TMEM144: variants seen among roughly 807,000 people sequenced by gnomAD.
TMEM144 encodes transmembrane protein 144.
Under a neutral mutation model 43.6 loss-of-function variants are expected in TMEM144, and 39 were observed. The observed-to-expected ratio is 0.90, with a 90% CI of 0.69 to 1.17. TMEM144 has a LOEUF of 1.17. TMEM144 is among the 50% of genes most tolerant of loss of function. The probability of loss-of-function intolerance (pLI) is 0.00; values close to 1 mark genes in which losing one functional copy is unlikely to be tolerated. For missense variants in TMEM144, 417 were observed against 411.9 expected (o/e 1.01, Z -0.11); for synonymous variants, 154 against 133.6 (o/e 1.15, Z -1.06).
intron 12 of TMEM144, among the ~76,000 whole-genome samples, chr4:158,251,909 A>T (rs1736224840): frequency 6.6e-6 from 1 of 152,214 alleles, no homozygotes; most frequent in African/African-American, 2.4e-5. Flanking sequence ...TCACTAAAAA[A>T]ATAAATAAAT....
At chr4:158,221,487 G>C (rs1001824485) in intron 6 of TMEM144, among the ~76,000 whole-genome samples, 2 of 152,176 alleles carry the variant, frequency 1.3e-5, no homozygotes, top group African/African-American at 4.8e-5. Context: ...GTAAGGGTGA[G>C]AGCAGAGCTG....
chr4:158,243,575 G>A (rs28497052), intron 11 of TMEM144, among the ~76,000 whole-genome samples: 396 of 152,262 alleles, frequency 2.6e-3, no homozygotes, highest in African/African-American at 9.3e-3. Context: ...TCTCAGCTAA[G>A]AAGAATTACC....
chr4:158,241,673 TC>T, intron 11 of TMEM144, 67 bp downstream of exon 11: 1 of 1,246,178 alleles, frequency 8.0e-7, no homozygotes, highest in South Asian at 1.2e-5. Context: ...TCTGAAGCAC[TC>T]TTAGGGCATC....
At chr4:158,224,674 G>C (rs1445723862) in intron 6 of TMEM144, among the ~76,000 whole-genome samples, 1 of 152,144 alleles carries the variant, frequency 6.6e-6, no homozygotes, top group Non-Finnish European at 1.5e-5. Flanking sequence ...AAGGTCAGTT[G>C]AAGTCCTTAC....
chr4:158,230,862 A>G (rs919563833), intron 6 of TMEM144, among the ~76,000 whole-genome samples: 4 of 152,174 alleles, frequency 2.6e-5, no homozygotes, highest in Admixed American at 1.3e-4. Flanking sequence ...AGACAAAAAC[A>G]TAACAAATTT....
intron 6 of TMEM144, among the ~76,000 whole-genome samples, chr4:158,229,903 A>G (rs1734984494): frequency 6.6e-6 from 1 of 152,122 alleles, no homozygotes; most frequent in Admixed American, 6.5e-5. Flanking sequence ...CCCTTCCCTC[A>G]CCCAGGGAGC....
chr4:158,225,381 T>G (rs991981573), intron 6 of TMEM144, among the ~76,000 whole-genome samples: 4 of 152,248 alleles, frequency 2.6e-5, no homozygotes, highest in African/African-American at 4.8e-5. Context: ...CATGAAAAGC[T>G]TGTTGCTGTT....
rs143288258 is a variant in TMEM144, at chr4:158,244,383, G to T, written c.954+34G>T. ...AAGAAAGGGCAGACTTAGAAAATGG[G>T]AATGGGGTAGGCCGGGCGTGGTGGC... On this transcript the variant is annotated intron_variant, in intron 12 of 12. Coordinates refer to ENST00000296529, the MANE Select transcript of TMEM144 (RefSeq NM_018342.5). The T allele has an allele frequency of 9.9e-4, 1,550 of 1,572,688 alleles. 19 individuals are homozygous for T. In the African/African-American group the frequency reaches 0.019, roughly 19 times the overall value.
intron 3 of TMEM144, 135 bp downstream of exon 3, chr4:158,212,911 C>A: frequency 1.4e-6 from 1 of 740,696 alleles, no homozygotes; most frequent in South Asian, 1.6e-5. Context: ...TAAAATTAGT[C>A]ATTTGACAGT....
intron 3 of TMEM144, among the ~76,000 whole-genome samples, chr4:158,214,688 A>G (rs193017732): frequency 6.5e-4 from 99 of 152,294 alleles, no homozygotes; most frequent in African/African-American, 2.2e-3. Flanking sequence ...TATGAGGCCT[A>G]TGTGTGACCA....
chr4:158,251,845 G>T (rs778862908), intron 12 of TMEM144, among the ~76,000 whole-genome samples: 7 of 152,184 alleles, frequency 4.6e-5, no homozygotes, highest in East Asian at 1.9e-4. Context: ...GAGTATGTCC[G>T]CACTCCACTT....
chr4:158,241,301 A>T (rs1422788102), intron 10 of TMEM144, among the ~76,000 whole-genome samples: 3 of 152,162 alleles, frequency 2.0e-5, no homozygotes, highest in Non-Finnish European at 4.4e-5. Context: ...ATAATGTGAA[A>T]GCATTGATCA....
intron 11 of TMEM144, among the ~76,000 whole-genome samples, chr4:158,242,228 C>T (rs1735669060): frequency 1.3e-5 from 2 of 152,174 alleles, no homozygotes; most frequent in Non-Finnish European, 2.9e-5. Context: ...CCAGGCATAA[C>T]TTTCTTACCT....
At chr4:158,228,024 A>G (rs186394020) in intron 6 of TMEM144, among the ~76,000 whole-genome samples, 2 of 152,340 alleles carry the variant, frequency 1.3e-5, no homozygotes, top group African/African-American at 4.8e-5. Flanking sequence ...AAAAAGGCAC[A>G]CACACACTTT....
At position 158,237,451 on chromosome 4, in the gene TMEM144, T is replaced by C. The variant is rs1735405764; in HGVS notation, c.564-74T>C. 2.6e-6 allele frequency: 3 copies of C among 1,175,224 alleles called. No individual in the cohort carries two copies. In the East Asian group the frequency reaches 7.3e-5, roughly 28 times the overall value. 72.8% of individuals were successfully genotyped at this position (1,175,224 alleles called of 1,614,324 possible). On this transcript the variant is annotated intron_variant, in intron 8 of 12. Transcript: ENST00000296529. ...TGTGATTTGCCTTTTGAAGCATGTTTATGATTCCATTTGTGCGTTTGTCAG... is the reference window on the plus strand; with the variant it reads ...TGTGATTTGCCTTTTGAAGCATGTTCATGATTCCATTTGTGCGTTTGTCAG...
At chr4:158,241,629 C>T in intron 11 of TMEM144, 23 bp downstream of exon 11, 1 of 1,602,922 alleles carries the variant, frequency 6.2e-7, no homozygotes, top group Non-Finnish European at 8.5e-7. Context: ...ACTGGTTTTC[C>T]TAATTTTCAT....
At chr4:158,219,792 A>T (rs950332349) in intron 6 of TMEM144, among the ~76,000 whole-genome samples, 9 of 151,980 alleles carry the variant, frequency 5.9e-5, no homozygotes, top group African/African-American at 1.7e-4. Flanking sequence ...TCTATGTACT[A>T]CTCACTTCCT....
chr4:158,223,588 G>A (rs888240240), intron 6 of TMEM144, among the ~76,000 whole-genome samples: 3 of 152,128 alleles, frequency 2.0e-5, no homozygotes, highest in African/African-American at 7.2e-5. Context: ...ACAGGCCGTG[G>A]TGTGTGTTGT....
chr4:158,237,693 A>G, intron 9 of TMEM144, 50 bp downstream of exon 9: 1 of 1,235,960 alleles, frequency 8.1e-7, no homozygotes, highest in Non-Finnish European at 1.2e-6. Flanking sequence ...TTTTATGAAT[A>G]TAAAAAGAAT....
Sources: allele counts gnomAD v4.1 joint callset (sites outside exome capture counted in the v4.1 genomes callset), GRCh38; gene constraint gnomAD v4.1.1; transcripts MANE v1.5; gene names NCBI Gene and HGNC (gene_info 2026-07-23, HGNC 2026-07-21).